Variants in PLEKHA5 observed in about 807,000 individuals in gnomAD.
PLEKHA5 encodes pleckstrin homology domain-containing family A member 5.
In PLEKHA5, 55 loss-of-function variants were observed where a neutral mutation model predicts 181.9. The ratio of observed to expected loss-of-function variants is 0.30; its 90% CI spans 0.24 to 0.38. PLEKHA5 has a LOEUF of 0.38. Among genes scored for constraint, PLEKHA5 ranks in the 10% least tolerant of loss-of-function variants. The probability of loss-of-function intolerance (pLI) is 1.00; values close to 1 mark genes in which losing one functional copy is unlikely to be tolerated. For missense variants in PLEKHA5, 1,432 were observed against 1,549.5 expected, an observed-to-expected ratio of 0.92 and a Z score of 1.27; for synonymous variants, 535 against 529.4, an observed-to-expected ratio of 1.01 and a Z score of -0.15.
intron 3 of PLEKHA5, among the ~76,000 whole-genome samples, chr12:19,204,695 A>C (rs2054986455): frequency 6.6e-6 from 1 of 152,146 alleles, no homozygotes; most frequent in Non-Finnish European, 1.5e-5. Flanking sequence ...TCAATTATTT[A>C]ATATGTAAAC....
intron 3 of PLEKHA5, 69 bp downstream of exon 3, chr12:19,132,519 T>C: frequency 1.3e-6 from 1 of 781,822 alleles, no homozygotes; most frequent in Non-Finnish European, 2.2e-6. Flanking sequence ...AGCTGAATAG[T>C]TGTATGTCCA....
intron 3 of PLEKHA5, among the ~76,000 whole-genome samples, chr12:19,182,315 G>A (rs552435844): frequency 6.2e-4 from 95 of 152,242 alleles, no homozygotes; most frequent in Middle Eastern, 3.4e-3. Flanking sequence ...TTGCCAGTGA[G>A]ACAGTTTTGG....
At chr12:19,158,552 T>C (rs2042301322) in intron 3 of PLEKHA5, among the ~76,000 whole-genome samples, 1 of 152,118 alleles carries the variant, frequency 6.6e-6, no homozygotes. Flanking sequence ...CCACTGACTG[T>C]GGTTTTCCAT....
chr12:19,148,709 AAG>A (rs2039580874), intron 3 of PLEKHA5, among the ~76,000 whole-genome samples: 2 of 152,270 alleles, frequency 1.3e-5, no homozygotes, highest in South Asian at 2.1e-4. Flanking sequence ...GACTTCAAAA[AAG>A]AAATTCTTTT....
chr12:19,306,730 C>G, intron 15 of PLEKHA5: 6 of 1,256,244 alleles, frequency 4.8e-6, no homozygotes, highest in Non-Finnish European at 7.0e-6. Flanking sequence ...CGAACCACAC[C>G]TCTTCCCGCC....
chr12:19,345,499 C>G (rs1174924650), intron 22 of PLEKHA5, among the ~76,000 whole-genome samples: 1 of 151,748 alleles, frequency 6.6e-6, no homozygotes, highest in Non-Finnish European at 1.5e-5. Flanking sequence ...CGCCATGGCT[C>G]ACGCCTGTAA....
chr12:19,311,945 A>G (rs927677087), intron 15 of PLEKHA5, among the ~76,000 whole-genome samples: 1 of 152,200 alleles, frequency 6.6e-6, no homozygotes, highest in African/African-American at 2.4e-5. Context: ...TGCATTTCCT[A>G]AATAATAGTA....
chr12:19,202,061 C>G, intron 3 of PLEKHA5: 1 of 870,154 alleles, frequency 1.1e-6, no homozygotes, highest in Non-Finnish European at 1.4e-6. Context: ...ACAGTTACTC[C>G]CCACTCTTCC....
At chr12:19,308,142 CAAAG>C (rs377091868) in intron 15 of PLEKHA5, among the ~76,000 whole-genome samples, 213 of 152,104 alleles carry the variant, frequency 1.4e-3, no homozygotes, top group Middle Eastern at 3.4e-3. Context: ...TCCCCTAAAA[CAAAG>C]AAACGTTCTG....
chr12:19,316,701 A>G (rs183425079), intron 16 of PLEKHA5, among the ~76,000 whole-genome samples: 167 of 152,268 alleles, frequency 1.1e-3, no homozygotes, highest in African/African-American at 3.9e-3. Context: ...AGCCACTAGT[A>G]AAGGACTTAA....
intron 3 of PLEKHA5, among the ~76,000 whole-genome samples, chr12:19,157,871 A>G (rs2042115353): frequency 6.6e-6 from 1 of 152,162 alleles, no homozygotes; most frequent in African/African-American, 2.4e-5. Context: ...TTAAAAATTC[A>G]CCAGATTGAA....
chr12:19,353,329 T>G (rs2094714647), intron 25 of PLEKHA5, among the ~76,000 whole-genome samples: 1 of 151,784 alleles, frequency 6.6e-6, no homozygotes, highest in East Asian at 1.9e-4. Context: ...AATTTTTGTA[T>G]TTTTTATAGT....
At chr12:19,361,512 T>C in intron 28 of PLEKHA5, 70 bp from the exon 29 acceptor site, 1 of 812,006 alleles carries the variant, frequency 1.2e-6, no homozygotes, top group Non-Finnish European at 2.0e-6. Context: ...TATTTTGGAA[T>C]TATTTTAGAT....
intron 20 of PLEKHA5, among the ~76,000 whole-genome samples, chr12:19,328,141 T>C (rs966923869): frequency 2.0e-5 from 3 of 152,174 alleles, no homozygotes; most frequent in Non-Finnish European, 4.4e-5. Context: ...CAGATGGCCA[T>C]AGGTGTATGG....
intron 3 of PLEKHA5, among the ~76,000 whole-genome samples, chr12:19,250,006 A>G (rs948046276): frequency 6.6e-6 from 1 of 152,154 alleles, no homozygotes; most frequent in Non-Finnish European, 1.5e-5. Flanking sequence ...GCTCTGCATT[A>G]TAAACTGTTT....
chr12:19,370,633 A>T (rs1249242270), intron 31 of PLEKHA5: 1 of 152,148 alleles, frequency 6.6e-6, no homozygotes, highest in Admixed American at 6.6e-5. Context: ...GAACAGCAGC[A>T]GAAACATATA....
chr12:19,207,048 T>G (rs998928364), intron 3 of PLEKHA5, among the ~76,000 whole-genome samples: 3 of 152,182 alleles, frequency 2.0e-5, no homozygotes, highest in Non-Finnish European at 4.4e-5. Flanking sequence ...CTATTAAATT[T>G]TTTTCAACTA....
intron 3 of PLEKHA5, among the ~76,000 whole-genome samples, chr12:19,213,565 G>T (rs1347468292): frequency 6.6e-6 from 1 of 152,166 alleles, no homozygotes; most frequent in East Asian, 1.9e-4. Context: ...CAGTAGGGGA[G>T]CAGAACAGGA....
In PLEKHA5 at chr12:19,132,306, A is replaced by G. The variant is rs2034158674; in HGVS notation, c.170-87A>G. On this transcript the variant is annotated intron_variant, in intron 2 of 31. Transcript: ENST00000429027. ...GTAATCTACTTAATTAAAACAGCTA[A>G]TAAATGAAAATGGATAATTAAAATG... The G allele has an allele frequency of 4.0e-6, 3 of 746,956 alleles. No individual in the cohort carries two copies. In the East Asian group the frequency reaches 7.9e-5, roughly 20 times the overall value. The allele number at this position is 746,956 out of a possible 1,614,324, so 46.3% of individuals were successfully genotyped here.
Sources: gnomAD v4.1 joint callset for allele counts (sites outside exome capture counted in the v4.1 genomes callset) on GRCh38, gnomAD v4.1.1 for gene constraint, MANE v1.5 for transcripts, NCBI Gene and HGNC (gene_info 2026-07-23, HGNC 2026-07-21) for gene names.